Variants in GRM4 observed in about 807,000 individuals in gnomAD.
GRM4 encodes metabotropic glutamate receptor 4.
In GRM4, 28 loss-of-function variants were observed where a neutral mutation model predicts 81.7. The observed-to-expected ratio is 0.34, with a 90% CI of 0.25 to 0.47. GRM4 has a LOEUF of 0.47. Among genes scored for constraint, GRM4 ranks in the 20% least tolerant of loss-of-function variants. The probability of loss-of-function intolerance (pLI) is 1.00; values close to 1 mark genes in which losing one functional copy is unlikely to be tolerated. For missense variants in GRM4, 948 were observed against 1,290.0 expected (o/e 0.73, Z 4.06); for synonymous variants, 488 against 528.8 (o/e 0.92, Z 1.06).
Position 34,059,267 on chromosome 6 carries a change from A to G in GRM4, c.873-139T>C. 2.7e-6 allele frequency: 2 copies of G among 736,836 alleles called. No individual in the cohort carries two copies. Among genetic ancestry groups the G allele is most frequent in the Non-Finnish European group, 4.5e-6 (2 of 442,978 alleles). The allele number at this position is 736,836 out of a possible 1,614,324, so 45.6% of individuals were successfully genotyped here. ...CAACTGTCCCAGCACCGATGCTTTCACCCCAAGCCATGGATTCCCCCTACC... is the reference window on the plus strand; with the variant it reads ...CAACTGTCCCAGCACCGATGCTTTCGCCCCAAGCCATGGATTCCCCCTACC... On this transcript the variant is annotated intron_variant, in intron 4 of 10. Coordinates refer to ENST00000538487, the MANE Select transcript of GRM4 (RefSeq NM_000841.4). The surrounding 1 kb of genome is among the most constrained non-coding windows in gnomAD (Gnocchi z 5.7).
intron 3 of GRM4, among the ~76,000 whole-genome samples, chr6:34,065,221 G>A (rs931327021): frequency 2.0e-5 from 3 of 152,046 alleles, no homozygotes; most frequent in Non-Finnish European, 4.4e-5. Flanking sequence ...TCCAGGCCAC[G>A]CTGCTACAGA....
chr6:34,077,795 G>T (rs1227777672), intron 3 of GRM4, among the ~76,000 whole-genome samples: 1 of 152,130 alleles, frequency 6.6e-6, no homozygotes, highest in East Asian at 1.9e-4. Context: ...TTCAGCTCGG[G>T]CCTCCTCCTC....
chr6:34,131,508 G>A (rs118050717), intron 2 of GRM4, among the ~76,000 whole-genome samples: 4 of 152,170 alleles, frequency 2.6e-5, no homozygotes, highest in East Asian at 1.9e-4. Context: ...GGGCGCACAC[G>A]TGCTCTTCAG....
chr6:34,044,161 T>TACAC (rs531019999), intron 6 of GRM4, among the ~76,000 whole-genome samples: 3 of 145,008 alleles, frequency 2.1e-5, no homozygotes, highest in African/African-American at 7.7e-5. Context: ...TATATACACA[T>TACAC]ACACACACAT....
exon 1 of GRM4, chr6:34,155,343 G>A (rs1771130597): frequency 6.6e-7 from 1 of 1,512,828 alleles, no homozygotes; most frequent in East Asian, 2.5e-5. Context: ...AGCAAGGAGG[G>A]GCGCGCCAGC....
intron 3 of GRM4, among the ~76,000 whole-genome samples, chr6:34,075,072 C>A (rs2127474241): frequency 6.6e-6 from 1 of 152,348 alleles, no homozygotes; most frequent in South Asian, 2.1e-4. Flanking sequence ...GGGACAGGGT[C>A]CCTACCGAGG....
chr6:34,091,557 A>G, intron 3 of GRM4: 1 of 319,826 alleles, frequency 3.1e-6, no homozygotes, highest in Non-Finnish European at 5.8e-6. Flanking sequence ...CCTCTAAACA[A>G]GGCCCCTCGT....
At chr6:34,119,389 C>A (rs1186522442) in intron 2 of GRM4, among the ~76,000 whole-genome samples, 2 of 132,432 alleles carry the variant, frequency 1.5e-5, no homozygotes, top group African/African-American at 5.9e-5. Flanking sequence ...GAGAGAGACT[C>A]CATGAAAGAA....
intron 6 of GRM4, among the ~76,000 whole-genome samples, chr6:34,053,727 AAAAAATC>A (rs1765724852): frequency 6.6e-6 from 1 of 152,236 alleles, no homozygotes; most frequent in South Asian, 2.1e-4. Flanking sequence ...GGGGCACTTC[AAAAAATC>A]CTGACGCTCA....
chr6:34,044,188 A>G (rs1765164105), intron 6 of GRM4, among the ~76,000 whole-genome samples: 1 of 149,632 alleles, frequency 6.7e-6, no homozygotes, highest in Non-Finnish European at 1.5e-5. Flanking sequence ...ACATACACAT[A>G]TATACACACA....
chr6:34,031,978 C>G (rs1025937924), intron 9 of GRM4, among the ~76,000 whole-genome samples: 4 of 151,978 alleles, frequency 2.6e-5, no homozygotes, highest in African/African-American at 9.7e-5. Flanking sequence ...CTCACACACA[C>G]ACAAACACAC....
chr6:34,070,942 G>A lies in GRM4; in HGVS notation c.737-8914C>T, dbSNP rs901348928. 2.0e-5 allele frequency among the ~76,000 whole-genome samples: 3 copies of A among 151,574 alleles called. No homozygotes were observed. The highest frequency in any genetic ancestry group is 1.9e-4 in the East Asian group (1 of 5,172). The stretch of plus-strand genomic sequence containing the variant: ...CACTTATGGACCCACTAAGAACCTC[G>A]TACAGCCTCATAGCCACAAAGATGG... On this transcript the variant is annotated intron_variant, in intron 3 of 10. Transcript: ENST00000538487. This position sits in a 1 kb window ranked among gnomAD's most constrained non-coding sequence, Gnocchi z 4.6.
At chr6:34,055,371 G>A (rs1043824465) in intron 6 of GRM4, 1 of 152,190 alleles carries the variant, frequency 6.6e-6, no homozygotes. Flanking sequence ...TTGGCTGTGA[G>A]CTTCTCTGGG....
intron 2 of GRM4, among the ~76,000 whole-genome samples, chr6:34,119,077 A>G (rs1769702580): frequency 6.6e-6 from 1 of 152,186 alleles, no homozygotes. Flanking sequence ...TCATCCCTCT[A>G]GATTCCGTGG....
intron 3 of GRM4, among the ~76,000 whole-genome samples, chr6:34,081,985 C>G (rs1354264045): frequency 1.3e-5 from 2 of 152,186 alleles, no homozygotes; most frequent in Non-Finnish European, 2.9e-5. Context: ...CACCACTTGC[C>G]CTTTAGCCAA....
chr6:34,031,992 C>T, intron 9 of GRM4, among the ~76,000 whole-genome samples: 1 of 152,076 alleles, frequency 6.6e-6, no homozygotes, highest in East Asian at 1.9e-4. Flanking sequence ...AACACACACA[C>T]ACACACACCT....
intron 2 of GRM4, among the ~76,000 whole-genome samples, chr6:34,106,133 G>T (rs1263942649): frequency 6.6e-6 from 1 of 152,176 alleles, no homozygotes; most frequent in Non-Finnish European, 1.5e-5. Flanking sequence ...ATCCCATCAT[G>T]GCCAGGCATG....
chr6:34,115,171 C>G lies in GRM4; in HGVS notation c.519+17807G>C, dbSNP rs1293406470. The stretch of plus-strand genomic sequence containing the variant: ...GCCCTGCCTAAACGCCAACACGCTG[C>G]CTCTGGGCCAGCCACCAGCCAGAAC... On this transcript the variant is annotated intron_variant, in intron 2 of 10. Coordinates refer to ENST00000538487, the MANE Select transcript of GRM4 (RefSeq NM_000841.4). This position sits in a 1 kb window ranked among gnomAD's most constrained non-coding sequence, Gnocchi z 4.1. Among the ~76,000 whole-genome samples, 5 of 152,206 alleles carry G rather than the reference C, an allele frequency of 3.3e-5. No individual in the cohort carries two copies. Among genetic ancestry groups the G allele is most frequent in the Non-Finnish European group, 5.9e-5 (4 of 68,046 alleles).
chr6:34,025,040 C>T lies in GRM4; in HGVS notation c.2690-2170G>A, dbSNP rs2451376. On this transcript the variant is annotated intron_variant, in intron 10 of 10. Coordinates refer to ENST00000538487, the MANE Select transcript of GRM4 (RefSeq NM_000841.4). Reference sequence around the variant, plus strand: ...AGAGGGAGATGAGCACAGACCAGCACCCTGAGGGCGGGAGCCGAGATTCTA... The same window carrying T: ...AGAGGGAGATGAGCACAGACCAGCATCCTGAGGGCGGGAGCCGAGATTCTA... Among the ~76,000 whole-genome samples the T allele has an allele frequency of 1.4e-3, 220 of 152,266 alleles. 1 individual carries two copies. Among genetic ancestry groups the T allele is most frequent in the African/African-American group, 5.1e-3 (213 of 41,544 alleles).
Sources: gnomAD v4.1 joint callset for allele counts (sites outside exome capture counted in the v4.1 genomes callset) on GRCh38, gnomAD v4.1.1 for gene constraint, Gnocchi (gnomAD v3.1) non-coding constraint, MANE v1.5 for transcripts, NCBI Gene and HGNC (gene_info 2026-07-23, HGNC 2026-07-21) for gene names.